Variants in SGCD observed in about 807,000 individuals in gnomAD.
The protein encoded by SGCD is delta-sarcoglycan.
SGCD carries 18 observed loss-of-function variants against 36.6 expected under a neutral mutation model. The observed-to-expected ratio is 0.49, with a 90% CI of 0.34 to 0.73. The LOEUF is 0.73. SGCD is among the 30% of genes least tolerant of loss of function. The pLI, the probability that SGCD is intolerant of heterozygous loss-of-function variation, is 0.01. For missense variants in SGCD, 387 were observed against 346.7 expected, an observed-to-expected ratio of 1.12 and a Z score of -0.92; for synonymous variants, 133 against 130.6, an observed-to-expected ratio of 1.02 and a Z score of -0.12.
In SGCD at chr5:156,561,935, C is replaced by T. The variant is rs148318757; in HGVS notation, c.295-27296C>T. On this transcript the variant is annotated intron_variant, in intron 4 of 8. Transcript: ENST00000337851. ...AGTCTTCCTTATATTAAAGGATCAC[C>T]GTGAAGATTAAATAAGAGAACTCAT... is the stretch of plus-strand genomic sequence containing the variant. 2.2e-3 allele frequency among the ~76,000 whole-genome samples: 331 copies of T among 152,048 alleles called. 2 individuals are homozygous for T. Among genetic ancestry groups the T allele is most frequent in the African/African-American group, 7.7e-3 (321 of 41,480 alleles).
At chr5:156,758,487 AAAGT>A (rs1757420600) in intron 8 of SGCD, among the ~76,000 whole-genome samples, 1 of 152,124 alleles carries the variant, frequency 6.6e-6, no homozygotes, top group African/African-American at 2.4e-5. Flanking sequence ...GATGGATATA[AAAGT>A]CCCCCTTTTG....
intron 3 of SGCD, among the ~76,000 whole-genome samples, chr5:156,485,382 G>T (rs181453250): frequency 2.6e-5 from 4 of 152,290 alleles, no homozygotes; most frequent in African/African-American, 7.2e-5. Context: ...GGCTGTGTGG[G>T]CCATGCGTGG....
chr5:156,071,137 C>G (rs573979193), intron 1 of SGCD, among the ~76,000 whole-genome samples: 2,460 of 152,208 alleles, frequency 0.016, 68 homozygotes, highest in African/African-American at 0.055. Flanking sequence ...TCCTTCAGTT[C>G]TGCTCTGATT....
intron 1 of SGCD, among the ~76,000 whole-genome samples, chr5:156,043,373 T>C (rs1759684563): frequency 6.6e-6 from 1 of 152,210 alleles, no homozygotes; most frequent in African/African-American, 2.4e-5. Context: ...ATCATACTGA[T>C]GGAAAATTAG....
chr5:156,613,937 A>G (rs1165546694), intron 6 of SGCD, among the ~76,000 whole-genome samples: 1 of 152,026 alleles, frequency 6.6e-6, no homozygotes, highest in Non-Finnish European at 1.5e-5. Context: ...TTAGGAGGGT[A>G]CAGGCTGGCT....
intron 3 of SGCD, among the ~76,000 whole-genome samples, chr5:156,349,112 A>T (rs74542650): frequency 2.0e-5 from 3 of 152,106 alleles, no homozygotes; most frequent in African/African-American, 7.2e-5. Flanking sequence ...GATGGATGAA[A>T]GACTTAAAGA....
chr5:155,823,224 C>G, the SGCD span, among the ~76,000 whole-genome samples: 1,305 of 149,922 alleles, frequency 8.7e-3, 14 homozygotes, highest in Non-Finnish European at 0.011. Context: ...CTTCTCCAAG[C>G]TGGAGACCCA....
At chr5:156,732,483 T>C (rs1189166725) in intron 7 of SGCD, among the ~76,000 whole-genome samples, 1 of 152,238 alleles carries the variant, frequency 6.6e-6, no homozygotes, top group Non-Finnish European at 1.5e-5. Flanking sequence ...TTTGATGTGC[T>C]GCTGGATTCA....
intron 7 of SGCD, among the ~76,000 whole-genome samples, chr5:156,742,899 T>A (rs1756758313): frequency 6.6e-6 from 1 of 152,156 alleles, no homozygotes; most frequent in South Asian, 2.1e-4. Flanking sequence ...AGGAACCTGT[T>A]TTATTCTTCA....
At chr5:155,844,925 C>T in the SGCD span, among the ~76,000 whole-genome samples, 3 of 152,058 alleles carry the variant, frequency 2.0e-5, no homozygotes, top group Non-Finnish European at 4.4e-5. Context: ...ATGTGCAGAA[C>T]GTGCAGTTTT....
chr5:156,169,634 G>A (rs888130590), intron 3 of SGCD, among the ~76,000 whole-genome samples: 2 of 152,208 alleles, frequency 1.3e-5, no homozygotes, highest in African/African-American at 4.8e-5. Context: ...TAGAGCAGAT[G>A]CTGGAGAGAA....
Position 155,888,146 on chromosome 5 carries a change from G to A in SGCD, c.-282+17722G>A, listed in dbSNP as rs1236467790. 2.6e-5 allele frequency among the ~76,000 whole-genome samples: 4 copies of A among 152,118 alleles called. No individual in the cohort carries two copies. The East Asian group carries it at 5.8e-4, about 22-fold the overall frequency. On this transcript the variant is annotated intron_variant, in intron 1 of 9. Transcript: ENST00000517913. ...AATCAATTCCCTTCTCCCTATCCCA[G>A]CTTCTACAAATCTCTCTTCTGATCT...
intron 1 of SGCD, among the ~76,000 whole-genome samples, chr5:156,102,763 A>C (rs1232798282): frequency 1.3e-5 from 2 of 152,222 alleles, no homozygotes; most frequent in Non-Finnish European, 2.9e-5. Flanking sequence ...AGGGTATTAC[A>C]TGCTTCTAAG....
chr5:155,992,909 T>A (rs1427782462), intron 1 of SGCD, among the ~76,000 whole-genome samples: 1 of 152,214 alleles, frequency 6.6e-6, no homozygotes, highest in Admixed American at 6.5e-5. Flanking sequence ...TTAGCAAACA[T>A]AGTGCCTCTT....
chr5:156,103,398 GA>G (rs1761570197), intron 1 of SGCD, among the ~76,000 whole-genome samples: 2 of 152,098 alleles, frequency 1.3e-5, no homozygotes, highest in Non-Finnish European at 2.9e-5. Flanking sequence ...TTCCGGGTCT[GA>G]AAATCCTCTT....
intron 1 of SGCD, among the ~76,000 whole-genome samples, chr5:155,967,061 G>A (rs1757917999): frequency 6.6e-6 from 1 of 151,838 alleles, no homozygotes; most frequent in African/African-American, 2.4e-5. Context: ...GCATATTGGA[G>A]ATCAATTATG....
intron 3 of SGCD, among the ~76,000 whole-genome samples, chr5:156,164,718 T>C (rs555149928): frequency 2.0e-5 from 3 of 152,218 alleles, no homozygotes; most frequent in Admixed American, 6.5e-5. Context: ...TGCCTTTCTG[T>C]TCCTTTCAAT....
At chr5:156,518,497 A>C (rs1757277337) in intron 4 of SGCD, among the ~76,000 whole-genome samples, 1 of 152,220 alleles carries the variant, frequency 6.6e-6, no homozygotes, top group Admixed American at 6.5e-5. Context: ...CCTGATAGAT[A>C]TCTCCATAAC....
intron 7 of SGCD, among the ~76,000 whole-genome samples, chr5:156,667,624 G>T (rs544582819): frequency 1.3e-5 from 2 of 152,184 alleles, no homozygotes; most frequent in African/African-American, 4.8e-5. Flanking sequence ...ATCCATGTTG[G>T]TCAGTAGTCT....
Sources: allele counts gnomAD v4.1 joint callset (sites outside exome capture counted in the v4.1 genomes callset), GRCh38; gene constraint gnomAD v4.1.1; transcripts MANE v1.5; gene names NCBI Gene and HGNC (gene_info 2026-07-23, HGNC 2026-07-21).